ZNF410: variants seen among roughly 807,000 people sequenced by gnomAD.
ZNF410 encodes zinc finger protein 410.
In ZNF410, 18 loss-of-function variants were observed where a neutral mutation model predicts 54.8. That is an observed-to-expected ratio of 0.33 (90% CI 0.23 to 0.49). The LOEUF (loss-of-function observed/expected upper bound fraction) is 0.49. Among genes scored for constraint, ZNF410 ranks in the 20% least tolerant of loss-of-function variants. The pLI is 0.99. For synonymous variants in ZNF410, 191 were observed against 207.3 expected (o/e 0.92, Z 0.68); for missense variants, 405 against 569.6 (o/e 0.71, Z 2.94).
intron 11 of ZNF410, among the ~76,000 whole-genome samples, chr14:73,930,085 C>T (rs943718950): frequency 1.3e-5 from 2 of 152,124 alleles, no homozygotes; most frequent in Non-Finnish European, 2.9e-5. Flanking sequence ...CTAGTTTTGA[C>T]TACCTCTTAG....
intron 5 of ZNF410, chr14:73,898,470 C>G: frequency 1.7e-6 from 1 of 605,770 alleles, no homozygotes; most frequent in East Asian, 2.8e-5. Context: ...TCTGAATTCT[C>G]AACTTTAAAT....
chr14:73,907,049 C>T (rs958701339), intron 7 of ZNF410, among the ~76,000 whole-genome samples: 1 of 152,026 alleles, frequency 6.6e-6, no homozygotes, highest in Non-Finnish European at 1.5e-5. Flanking sequence ...ATGTACCAAC[C>T]ACATATACAT....
At chr14:73,916,327 TCCA>T (rs1479122242) in intron 8 of ZNF410, 1 of 152,148 alleles carries the variant, frequency 6.6e-6, no homozygotes, top group Non-Finnish European at 1.5e-5. Context: ...ACTACAGGCG[TCCA>T]CCACCAATGT....
rs777841800 is a variant in ZNF410 at position 73,896,463 on chromosome 14, C to T, written c.317C>T (p.Ser106Phe). 1 of 1,614,144 alleles carries T rather than the reference C, an allele frequency of 6.2e-7. No individual in the cohort carries two copies. Among genetic ancestry groups the T allele is most frequent in the South Asian group, 1.1e-5 (1 of 91,084 alleles). The change falls in exon 4 of 12, where the codon TCT (serine) becomes TTT (phenylalanine). Residue 106 changes from serine (S) to phenylalanine (F), a missense_variant. Physicochemically the swap from Ser to Phe is radical, Grantham distance 155. This residue lies in a region of ZNF410 where 247 missense variants were observed against 342.8 expected (regional missense o/e 0.72). Coordinates refer to ENST00000555044, the MANE Select transcript of ZNF410 (RefSeq NM_021188.3). ...CCGGAGTTTTTGTCCACTTCAGAGT[C>T]TTCTAGCTTGTTGCAAGATCTACAG... The part of the protein sequence containing the change: ...KSPEFLSTSE[S>F]SSLLQDLQPS...
chr14:73,897,920 C>T lies in ZNF410; in HGVS notation c.389-151C>T, dbSNP rs900586695. Reference sequence around the variant, plus strand: ...CTGGGAAGCGGAGGTTGCAGTAAGCCGAGATTGCGCCACTGCACTCCAGCC... The same window carrying T: ...CTGGGAAGCGGAGGTTGCAGTAAGCTGAGATTGCGCCACTGCACTCCAGCC... On this transcript the variant is annotated intron_variant, in intron 4 of 11. Coordinates refer to ENST00000555044, the MANE Select transcript of ZNF410 (RefSeq NM_021188.3). 5.2e-5 allele frequency: 34 copies of T among 657,586 alleles called. No individual in the cohort carries two copies. In the African/African-American group the frequency reaches 5.3e-4, roughly 10 times the overall value. 40.7% of individuals were successfully genotyped at this position (657,586 alleles called of 1,614,324 possible). A position where few individuals can be genotyped will look rare whatever the true frequency, so the allele number is the denominator to read the frequency against.
At chr14:73,919,622 T>C (rs1227057349) in intron 8 of ZNF410, among the ~76,000 whole-genome samples, 2 of 152,230 alleles carry the variant, frequency 1.3e-5, no homozygotes, top group Non-Finnish European at 2.9e-5. Context: ...ATGATTTTGT[T>C]CTTTTTTATG....
At chr14:73,909,556 A>G (rs540007980) in intron 8 of ZNF410, 126 bp downstream of exon 8, 2 of 689,278 alleles carry the variant, frequency 2.9e-6, no homozygotes, top group Non-Finnish European at 4.8e-6. Context: ...AAAGCTTCTC[A>G]TCATCATGAC....
chr14:73,916,529 G>T (rs1322233254), intron 8 of ZNF410: 1 of 152,074 alleles, frequency 6.6e-6, no homozygotes, highest in Admixed American at 6.6e-5. Context: ...CTTTTGACAT[G>T]ACCCATTTGT....
chr14:73,896,188 G>A, intron 3 of ZNF410, 128 bp from the exon 4 acceptor site: 2 of 683,358 alleles, frequency 2.9e-6, no homozygotes, highest in Non-Finnish European at 5.0e-6. Flanking sequence ...GTTTTTATTT[G>A]TGTAATGAGA....
chr14:73,896,135 C>T, intron 3 of ZNF410, 181 bp from the exon 4 acceptor site: 1 of 583,438 alleles, frequency 1.7e-6, no homozygotes, highest in Non-Finnish European at 3.0e-6. Context: ...GGCTGACTGC[C>T]TTTGGAACAT....
At chr14:73,923,028 T>C (rs1485859830) in intron 10 of ZNF410, among the ~76,000 whole-genome samples, 1 of 152,182 alleles carries the variant, frequency 6.6e-6, no homozygotes, top group African/African-American at 2.4e-5. Context: ...TTTTTGTTAC[T>C]CATATCATAT....
At chr14:73,889,431 CAAAAA>C (rs11330316) in intron 1 of ZNF410, among the ~76,000 whole-genome samples, 9,429 of 84,916 alleles carry the variant, frequency 0.11, 413 homozygotes, top group African/African-American at 0.21. Flanking sequence ...GACTCAGTCT[CAAAAA>C]AAAAAAAAAA....
chr14:73,911,191 G>GT lies in ZNF410; in HGVS notation c.1003+1764dup, dbSNP rs2055572201. On this transcript the variant is annotated intron_variant, in intron 8 of 11. Coordinates refer to ENST00000555044, the MANE Select transcript of ZNF410 (RefSeq NM_021188.3). Reference sequence around the variant, plus strand: ...TACTTTTCTCTGCTACTGCTTAACAGTTTAAAAGCTGGGTACTGGAGAAAA... The same window carrying GT: ...TACTTTTCTCTGCTACTGCTTAACAGTTTTAAAAGCTGGGTACTGGAGAAAA... Among the ~76,000 whole-genome samples the GT allele has an allele frequency of 2.0e-5, 3 of 152,326 alleles. No individual in the cohort carries two copies. In the South Asian group the frequency reaches 6.2e-4, roughly 32 times the overall value.
intron 8 of ZNF410, among the ~76,000 whole-genome samples, chr14:73,919,886 G>GTTTTTTTTTTTTTTTTTTTTTTTTTTTT: frequency 1.6e-5 from 1 of 62,026 alleles, no homozygotes; most frequent in Non-Finnish European, 2.9e-5. Flanking sequence ...TATTGTATAG[G>GTTTTTTTTTTTTTTTTTTTTTTTTTTTT]TTTTTTTTTT....
intron 1 of ZNF410, among the ~76,000 whole-genome samples, chr14:73,889,431 C>CAAAAAAAAAAAAAAAAAAA (rs11330316): frequency 1.2e-5 from 1 of 84,980 alleles, no homozygotes; most frequent in Non-Finnish European, 2.5e-5. Context: ...GACTCAGTCT[C>CAAAAAAAAAAAAAAAAAAA]AAAAAAAAAA....
chr14:73,921,988 C>A, intron 9 of ZNF410, 78 bp from the exon 10 acceptor site: 1 of 1,546,580 alleles, frequency 6.5e-7, no homozygotes, highest in Non-Finnish European at 8.8e-7. Flanking sequence ...AAGAGAAGGC[C>A]AGCTTCTGTT....
intron 8 of ZNF410, 180 bp downstream of exon 8, chr14:73,909,610 G>GGC (rs1555353717): frequency 2.6e-5 from 13 of 503,806 alleles, no homozygotes; most frequent in South Asian, 2.5e-4. Context: ...TCAAGGTTGG[G>GGC]GGGGGGACAT....
chr14:73,919,886 GTTT>G (rs1158550117), intron 8 of ZNF410, among the ~76,000 whole-genome samples: 37 of 62,038 alleles, frequency 6.0e-4, no homozygotes, highest in African/African-American at 1.9e-3. Context: ...TATTGTATAG[GTTT>G]TTTTTTTTTT....
At chr14:73,928,428 A>C (rs1056419094) in intron 11 of ZNF410, among the ~76,000 whole-genome samples, 1 of 152,192 alleles carries the variant, frequency 6.6e-6, no homozygotes, top group African/African-American at 2.4e-5. Context: ...GTCTCTTGAA[A>C]GGTCTTACAA....
Sources: allele counts gnomAD v4.1 joint callset (sites outside exome capture counted in the v4.1 genomes callset), GRCh38; gene constraint gnomAD v4.1.1; regional missense constraint gnomAD v4.1.1; transcripts MANE v1.5; gene names NCBI Gene and HGNC (gene_info 2026-07-23, HGNC 2026-07-21).